Variants in PCDHGA4 observed in about 807,000 individuals in gnomAD.
The protein encoded by PCDHGA4 is protocadherin gamma-A4.
PCDHGA4 carries 38 observed loss-of-function variants against 54.6 expected under a neutral mutation model. The ratio of observed to expected loss-of-function variants is 0.70; its 90% CI spans 0.54 to 0.91. PCDHGA4 has a LOEUF of 0.91. Among genes scored for constraint, PCDHGA4 ranks in the 40% least tolerant of loss-of-function variants. The pLI is 0.00. For missense variants in PCDHGA4, 1,298 were observed against 1,220.9 expected (o/e 1.06, Z -0.94); for synonymous variants, 511 against 512.9 (o/e 1.00, Z 0.05).
In PCDHGA4 at chr5:141,489,873, G is replaced by A. The variant is rs1252665956; in HGVS notation, c.2515-4934G>A. The A allele has an allele frequency of 4.3e-6, 7 of 1,614,224 alleles. No homozygotes were observed. The highest frequency in any genetic ancestry group is 5.9e-6 in the Non-Finnish European group (7 of 1,180,030). On this transcript the variant is annotated intron_variant, in intron 1 of 3. Coordinates refer to ENST00000571252, the MANE Select transcript of PCDHGA4 (RefSeq NM_018917.4). The surrounding 1 kb of genome is among the most constrained non-coding windows in gnomAD (Gnocchi z 4.5). Reference sequence around the variant, plus strand: ...AAGCCCAGGCAAGACATCAGCTGGTGCTTACTGCTGTGGATGGGGGGACCC... The same window carrying A: ...AAGCCCAGGCAAGACATCAGCTGGTACTTACTGCTGTGGATGGGGGGACCC...
intron 1 of PCDHGA4, chr5:141,394,371 T>G: frequency 6.2e-7 from 1 of 1,614,174 alleles, no homozygotes; most frequent in Non-Finnish European, 8.5e-7. Context: ...GCTGCAATCT[T>G]TCGACTATGA....
intron 1 of PCDHGA4, chr5:141,409,784 T>G: frequency 3.1e-6 from 5 of 1,612,248 alleles, no homozygotes; most frequent in Non-Finnish European, 4.2e-6. Flanking sequence ...GCTGCGCGCC[T>G]TCGCGCTCAC....
chr5:141,463,308 A>G (rs1233755540), intron 1 of PCDHGA4, among the ~76,000 whole-genome samples: 1 of 151,660 alleles, frequency 6.6e-6, no homozygotes, highest in Admixed American at 6.6e-5. Context: ...CCAAACTCTA[A>G]TATCTATTCC....
chr5:141,441,280 G>A (rs2098237221), intron 1 of PCDHGA4: 1 of 152,090 alleles, frequency 6.6e-6, no homozygotes, highest in East Asian at 1.9e-4. Flanking sequence ...GGGAGAAAAC[G>A]AGGTCACATG....
At chr5:141,366,416 G>T (rs767881897) in intron 1 of PCDHGA4, 1 of 1,614,118 alleles carries the variant, frequency 6.2e-7, no homozygotes, top group Non-Finnish European at 8.5e-7. Flanking sequence ...TCTTGTGGTG[G>T]CAGTGGCTGC....
In PCDHGA4 at chr5:141,491,723, G is replaced by A. The variant is rs764792125; in HGVS notation, c.2515-3084G>A. The A allele has an allele frequency of 1.7e-5, 27 of 1,606,770 alleles. No individual in the cohort carries two copies. In the African/African-American group the frequency reaches 3.2e-4, roughly 19 times the overall value. On this transcript the variant is annotated intron_variant, in intron 1 of 3. Coordinates refer to ENST00000571252, the MANE Select transcript of PCDHGA4 (RefSeq NM_018917.4). The surrounding 1 kb of genome is among the most constrained non-coding windows in gnomAD (Gnocchi z 6.9). The stretch of plus-strand genomic sequence containing the variant: ...CAGGTGAGGGGCTCGGCGCCGCCCC[G>A]GGCGACCCCTGGGGGCGGCACTGGA...
In PCDHGA4 at chr5:141,423,390, T is replaced by C. The variant is rs751337994; in HGVS notation, c.2514+65769T>C. ...TGGCACTCAGGCTGTGGCGCTGGCATAAGTCACGCCTGCTGCAGGCTTCTG... is the reference window on the plus strand; with the variant it reads ...TGGCACTCAGGCTGTGGCGCTGGCACAAGTCACGCCTGCTGCAGGCTTCTG... On this transcript the variant is annotated intron_variant, in intron 1 of 3. Coordinates refer to ENST00000571252, the MANE Select transcript of PCDHGA4 (RefSeq NM_018917.4). 2.5e-6 allele frequency: 4 copies of C among 1,614,144 alleles called. No homozygotes were observed. In the South Asian group the frequency reaches 3.3e-5, roughly 13 times the overall value.
chr5:141,374,208 G>T (rs777295061), intron 1 of PCDHGA4: 11 of 1,613,952 alleles, frequency 6.8e-6, no homozygotes, highest in South Asian at 3.3e-5. Flanking sequence ...CTGGAGAAAG[G>T]CTCCTTCGTA....
chr5:141,419,884 C>A lies in PCDHGA4; in HGVS notation c.2514+62263C>A. 1 of 1,614,088 alleles carries A rather than the reference C, an allele frequency of 6.2e-7. No individual in the cohort carries two copies. The highest frequency in any genetic ancestry group is 8.5e-7 in the Non-Finnish European group (1 of 1,179,896). On this transcript the variant is annotated intron_variant, in intron 1 of 3. Transcript: ENST00000571252. ...GCTTGCAAGAGGTACTGCCGGATTT[C>A]AGCGACCATCCCACACCCTCTGACT... is the stretch of plus-strand genomic sequence containing the variant.
chr5:141,410,689 C>T, intron 1 of PCDHGA4: 2 of 1,514,926 alleles, frequency 1.3e-6, no homozygotes, highest in Non-Finnish European at 1.8e-6. Flanking sequence ...AGGCATACTA[C>T]TTTATTTTCA....
chr5:141,427,220 T>G (rs1487350481), intron 1 of PCDHGA4: 1 of 456,710 alleles, frequency 2.2e-6, no homozygotes, highest in East Asian at 6.9e-5. Flanking sequence ...TTCGTAGCAG[T>G]TATACCATGA....
chr5:141,393,194 C>T (rs770162660), intron 1 of PCDHGA4: 4 of 1,613,360 alleles, frequency 2.5e-6, no homozygotes, highest in Non-Finnish European at 2.5e-6. Flanking sequence ...TTGATATTAA[C>T]GATAATAACC....
chr5:141,419,196 A>G (rs2096342064), intron 1 of PCDHGA4: 1 of 1,613,994 alleles, frequency 6.2e-7, no homozygotes, highest in Middle Eastern at 1.6e-4. Context: ...ACTGACGTCA[A>G]TGACAACGCG....
intron 2 of PCDHGA4, among the ~76,000 whole-genome samples, chr5:141,503,077 T>C (rs902429288): frequency 6.6e-6 from 1 of 151,810 alleles, no homozygotes; most frequent in African/African-American, 2.4e-5. Flanking sequence ...ATGGTCTCGA[T>C]CTCCTGACCT....
chr5:141,457,632 G>T (rs919693977), intron 1 of PCDHGA4, among the ~76,000 whole-genome samples: 1 of 152,142 alleles, frequency 6.6e-6, no homozygotes, highest in Non-Finnish European at 1.5e-5. Context: ...CTTATACTTG[G>T]CCTGATTATT....
chr5:141,485,726 C>G lies in PCDHGA4; in HGVS notation c.2515-9081C>G. On this transcript the variant is annotated intron_variant, in intron 1 of 3. Transcript: ENST00000571252. The surrounding 1 kb of genome is among the most constrained non-coding windows in gnomAD (Gnocchi z 5.7). ...ACACTTTGCACTGGATGTGAAGAAG[C>G]GCAGCGACGGCAGCCTGGTCCCAGA... 2 of 1,614,140 alleles carry G rather than the reference C, an allele frequency of 1.2e-6. No individual in the cohort carries two copies. The highest frequency in any genetic ancestry group is 1.1e-5 in the South Asian group (1 of 91,082).
At position 141,355,278 on chromosome 5, in the gene PCDHGA4, C is replaced by T. The variant is rs1759782758; in HGVS notation, c.171C>T (p.Ile57=). Residue 57 remains isoleucine (I), a synonymous_variant, in exon 1 of 4, where the codon ATC becomes ATT. Transcript: ENST00000571252. ...ICLLLGVLVE[I]RAEQILYSVF... ...TTCTCCTGGGGGTTCTGGTGGAAAT[C>T]AGGGCCGAACAGATTCTCTACTCGG... 6.2e-7 allele frequency: 1 copy of T among 1,613,742 alleles called. No individual in the cohort carries two copies. The highest frequency in any genetic ancestry group is 8.5e-7 in the Non-Finnish European group (1 of 1,179,898).
intron 1 of PCDHGA4, chr5:141,410,156 C>T: frequency 6.2e-7 from 1 of 1,613,514 alleles, no homozygotes; most frequent in Non-Finnish European, 8.5e-7. Context: ...CGGTGGACAG[C>T]CGCCACTCTC....
Position 141,432,220 on chromosome 5 carries a change from C to T in PCDHGA4, c.2515-62587C>T. The T allele has an allele frequency of 6.2e-7, 1 of 1,614,246 alleles. No homozygotes were observed. Among genetic ancestry groups the T allele is most frequent in the Non-Finnish European group, 8.5e-7 (1 of 1,180,040 alleles). Reference sequence around the variant, plus strand: ...CCGACTGTGAAGAGAACGCCCAGATCACTTATTCCCTGGCTGAGAACACCA... The same window carrying T: ...CCGACTGTGAAGAGAACGCCCAGATTACTTATTCCCTGGCTGAGAACACCA... On this transcript the variant is annotated intron_variant, in intron 1 of 3. Coordinates refer to ENST00000571252, the MANE Select transcript of PCDHGA4 (RefSeq NM_018917.4). The surrounding 1 kb of genome is among the most constrained non-coding windows in gnomAD (Gnocchi z 6.0).
Sources: allele counts gnomAD v4.1 joint callset (sites outside exome capture counted in the v4.1 genomes callset), GRCh38; gene constraint gnomAD v4.1.1; non-coding constraint Gnocchi (gnomAD v3.1); transcripts MANE v1.5; gene names NCBI Gene and HGNC (gene_info 2026-07-23, HGNC 2026-07-21).